ACIN1: variants seen among roughly 807,000 people sequenced by gnomAD.
ACIN1 encodes the protein apoptotic chromatin condensation inducer 1.
ACIN1 carries 16 observed loss-of-function variants against 146.6 expected under a neutral mutation model. The observed-to-expected ratio is 0.11, with a 90% CI of 0.07 to 0.17. The LOEUF (loss-of-function observed/expected upper bound fraction) is 0.17, where lower values mean the gene tolerates loss of function less well. ACIN1 is among the 10% of genes least tolerant of loss of function. The probability of loss-of-function intolerance (pLI) is 1.00; values close to 1 mark genes in which losing one functional copy is unlikely to be tolerated. For synonymous variants in ACIN1, 569 were observed against 582.7 expected, an observed-to-expected ratio of 0.98 and a Z score of 0.34; for missense variants, 1,357 against 1,609.3, an observed-to-expected ratio of 0.84 and a Z score of 2.68.
chr14:23,069,007 C>G (rs919911384), intron 9 of ACIN1: 3 of 986,054 alleles, frequency 3.0e-6, no homozygotes. Flanking sequence ...AGCTACATCT[C>G]TGCAGTCAGA....
chr14:23,061,451 G>A lies in ACIN1; in HGVS notation c.3271C>T (p.Arg1091Trp). The change falls in exon 17 of 19, where the codon CGG becomes TGG. Residue 1091 changes from arginine (R) to tryptophan (W), a missense_variant. By Grantham distance (101) the Arg-to-Trp change is moderately radical (BLOSUM62 -3). This residue lies in a region of ACIN1 where 509 missense variants were observed against 719.6 expected (regional missense o/e 0.71). Transcript: ENST00000605057. ...TCCCGCCGCTCCATTTCCCGTTCCCGTTCTGCCCACTGTTCCCGCACTGCC... is the reference window on the plus strand; with the variant it reads ...TCCCGCCGCTCCATTTCCCGTTCCCATTCTGCCCACTGTTCCCGCACTGCC... ...ERAVREQWAE[R>W]EREMERRERT... 1 of 1,585,698 alleles carries A rather than the reference G, an allele frequency of 6.3e-7. No homozygotes were observed. Among genetic ancestry groups the A allele is most frequent in the Non-Finnish European group, 8.6e-7 (1 of 1,165,332 alleles).
At chr14:23,078,773 T>C (rs1292679940) in intron 7 of ACIN1, 47 bp downstream of exon 7, 5 of 1,570,232 alleles carry the variant, frequency 3.2e-6, no homozygotes, top group Non-Finnish European at 4.3e-6. Flanking sequence ...AGGGAAGATC[T>C]TGCTTAATCC....
intron 16 of ACIN1, among the ~76,000 whole-genome samples, 170 bp from the exon 17 acceptor site, chr14:23,061,792 T>C (rs1594740709): frequency 6.6e-6 from 1 of 151,628 alleles, no homozygotes; most frequent in East Asian, 1.9e-4. Context: ...GCTGACACGG[T>C]GAAACCCCGT....
chr14:23,094,125 A>AACAC (rs751362808), intron 1 of ACIN1, among the ~76,000 whole-genome samples: 1 of 151,632 alleles, frequency 6.6e-6, no homozygotes, highest in Non-Finnish European at 1.5e-5. Flanking sequence ...CACACACACA[A>AACAC]ACACACACAC....
At chr14:23,091,094 G>A (rs1017128365) in intron 2 of ACIN1, among the ~76,000 whole-genome samples, 2 of 151,770 alleles carry the variant, frequency 1.3e-5, no homozygotes, top group African/African-American at 4.8e-5. Context: ...TAGTAGAGAC[G>A]GGGTTTCACT....
Position 23,061,443 on chromosome 14 carries a change from C to T in ACIN1, c.3279G>A (p.Arg1093=). 1 of 1,613,790 alleles carries T rather than the reference C, an allele frequency of 6.2e-7. No individual in the cohort carries two copies. The highest frequency in any genetic ancestry group is 8.5e-7 in the Non-Finnish European group (1 of 1,179,892). The change falls in exon 17 of 19, where the codon CGG becomes CGA. Residue 1093 remains arginine (R), a synonymous_variant. Transcript: ENST00000605057. ...AVREQWAERE[R]EMERRERTRS... is the part of the protein sequence containing the mutation. ...GAGTCCGCTCCCGCCGCTCCATTTCCCGTTCCCGTTCTGCCCACTGTTCCC... is the reference window on the plus strand; with the variant it reads ...GAGTCCGCTCCCGCCGCTCCATTTCTCGTTCCCGTTCTGCCCACTGTTCCC...
intron 2 of ACIN1, 133 bp downstream of exon 2, chr14:23,093,346 T>TG: frequency 1.1e-6 from 1 of 892,152 alleles, no homozygotes; most frequent in Non-Finnish European, 1.8e-6. Context: ...TGTCCTGGTT[T>TG]GAGAACATTT....
At chr14:23,081,018 C>T (rs2047930491) in intron 5 of ACIN1, among the ~76,000 whole-genome samples, 1 of 151,154 alleles carries the variant, frequency 6.6e-6, no homozygotes, top group Non-Finnish European at 1.5e-5. Flanking sequence ...CACAATGAAG[C>T]TACTTGTATG....
At chr14:23,061,971 CAAAAAAA>C (rs57962360) in intron 16 of ACIN1, among the ~76,000 whole-genome samples, 190 bp downstream of exon 16, 2 of 59,146 alleles carry the variant, frequency 3.4e-5, no homozygotes, top group East Asian at 4.6e-4. Context: ...GACTCTGTCT[CAAAAAAA>C]AAAAAAAAAA....
chr14:23,073,029 G>C (rs2047704661), intron 8 of ACIN1, among the ~76,000 whole-genome samples: 1 of 152,260 alleles, frequency 6.6e-6, no homozygotes, highest in African/African-American at 2.4e-5. Context: ...TGAAGGTACA[G>C]ATACATGTAA....
chr14:23,079,684 A>C lies in ACIN1; in HGVS notation c.1651T>G (p.Ser551Ala). The change falls in exon 6 of 19, where the codon TCC (serine) becomes GCC (alanine). Residue 551 changes from serine to alanine, a missense_variant. Physicochemically the swap from Ser to Ala is moderately conservative, Grantham distance 99 (BLOSUM62 1). Transcript: ENST00000605057. The stretch of plus-strand genomic sequence containing the variant: ...GCCTGGGCTACATCTCTCTGCTTGG[A>C]TCTGAGCGGTGAATGAGACCGAGAA... ...SGSRSHSPLRSKQRDVAQART... is the reference protein window; with the variant it reads ...SGSRSHSPLRAKQRDVAQART... The C allele has an allele frequency of 6.2e-7, 1 of 1,614,100 alleles. No individual in the cohort carries two copies. Among genetic ancestry groups the C allele is most frequent in the South Asian group, 1.1e-5 (1 of 91,072 alleles).
intron 1 of ACIN1, chr14:23,094,556 C>T (rs1318194815): frequency 1.0e-6 from 1 of 984,770 alleles, no homozygotes; most frequent in Admixed American, 6.2e-5. Context: ...ATACCGATAC[C>T]AACCCCATCC....
chr14:23,078,684 A>G, intron 7 of ACIN1, 136 bp downstream of exon 7: 1 of 948,720 alleles, frequency 1.1e-6, no homozygotes, highest in Non-Finnish European at 1.5e-6. Context: ...AAATGAGTTA[A>G]GCAGGATTAA....
chr14:23,083,049 T>G (rs80248216), intron 4 of ACIN1, among the ~76,000 whole-genome samples: 8 of 146,532 alleles, frequency 5.5e-5, no homozygotes, highest in African/African-American at 2.0e-4. Context: ...TAGGTGAGAT[T>G]TTTTTTTTTT....
At chr14:23,094,825 C>T in intron 1 of ACIN1, 150 bp downstream of exon 1, 2 of 1,210,718 alleles carry the variant, frequency 1.7e-6, no homozygotes, top group East Asian at 2.5e-5. Context: ...GCGCGAACCT[C>T]ATCAACCACC....
In ACIN1 at chr14:23,080,378, T is replaced by G. The variant is rs1291971213; in HGVS notation, c.957A>C (p.Ser319=). The change falls in exon 6 of 19, where the codon TCA becomes TCC. Residue 319 remains serine (S), a synonymous_variant. Coordinates refer to ENST00000605057, the MANE Select transcript of ACIN1 (RefSeq NM_001386863.1). ...ACTTCGATTTTTCCTTTAAGCCTTG[T>G]GAAGATTTTATTTCTCTTTCTTCCT... ...LEEEEREIKS[S]QGLKEKSKSP... 6.2e-7 allele frequency: 1 copy of G among 1,614,204 alleles called. No individual in the cohort carries two copies. Among genetic ancestry groups the G allele is most frequent in the East Asian group, 2.2e-5 (1 of 44,884 alleles).
rs551704276 is a variant in ACIN1 at position 23,095,126 on chromosome 14, C to G, written c.-14G>C. 2 of 1,614,166 alleles carry G rather than the reference C, an allele frequency of 1.2e-6. No individual in the cohort carries two copies. Among genetic ancestry groups the G allele is most frequent in the African/African-American group, 1.3e-5 (1 of 74,960 alleles). On this transcript the variant is annotated 5_prime_UTR_variant, in exon 1 of 19. Coordinates refer to ENST00000605057, the MANE Select transcript of ACIN1 (RefSeq NM_001386863.1). ...CAGCTCCGCCATCTTGCGTGAGGTA[C>G]TCGGGTCCGTCCCGACGGCTTCGGG...
intron 4 of ACIN1, among the ~76,000 whole-genome samples, chr14:23,089,359 G>A (rs1011786079): frequency 1.3e-5 from 2 of 152,120 alleles, no homozygotes; most frequent in Non-Finnish European, 2.9e-5. Flanking sequence ...CAGTCTGGGT[G>A]CTTAATATTT....
At chr14:23,094,833 A>C in intron 1 of ACIN1, 142 bp downstream of exon 1, 1 of 1,256,980 alleles carries the variant, frequency 8.0e-7, no homozygotes. Flanking sequence ...CTCATCAACC[A>C]CCGTGCGCGC....
Sources: allele counts gnomAD v4.1 joint callset (sites outside exome capture counted in the v4.1 genomes callset), GRCh38; gene constraint gnomAD v4.1.1; regional missense constraint gnomAD v4.1.1; transcripts MANE v1.5; gene names NCBI Gene and HGNC (gene_info 2026-07-23, HGNC 2026-07-21).